The following ITGA8 variants were observed in gnomAD, a reference collection of about 807,000 sequenced individuals.
ITGA8 encodes integrin subunit alpha 8.
A neutral mutation model predicts 142.3 loss-of-function variants in ITGA8; 91 were observed. The observed-to-expected ratio is 0.64, with a 90% confidence interval of 0.54 to 0.76. The LOEUF is 0.76. ITGA8 is among the 30% of genes least tolerant of loss of function. The pLI is 0.00. For missense variants in ITGA8, 1,406 were observed against 1,327.7 expected (o/e 1.06, Z -0.92); for synonymous variants, 505 against 485.2 (o/e 1.04, Z -0.54).
chr10:15,602,517 C>T (rs542076956), intron 20 of ITGA8, among the ~76,000 whole-genome samples: 3 of 152,012 alleles, frequency 2.0e-5, no homozygotes, highest in African/African-American at 7.2e-5. Flanking sequence ...GTGGGTGGAC[C>T]GCCTGACCCC....
intron 28 of ITGA8, among the ~76,000 whole-genome samples, chr10:15,525,219 AC>A (rs911140046): frequency 5.3e-5 from 8 of 152,110 alleles, no homozygotes; most frequent in Admixed American, 5.2e-4. Flanking sequence ...TTTATTAAAC[AC>A]CCTATGTTCT....
chr10:15,539,218 G>A (rs1034477576), intron 27 of ITGA8, among the ~76,000 whole-genome samples: 6 of 151,944 alleles, frequency 3.9e-5, no homozygotes, highest in Admixed American at 6.6e-5. Context: ...TACCTCAAAC[G>A]AGGCAACAGA....
chr10:15,643,786 T>G (rs1352086406), intron 13 of ITGA8, among the ~76,000 whole-genome samples: 2 of 152,222 alleles, frequency 1.3e-5, no homozygotes, highest in Non-Finnish European at 2.9e-5. Flanking sequence ...TTATGTACAA[T>G]GCAGATTGTT....
At chr10:15,534,876 G>C (rs1833388708) in intron 27 of ITGA8, among the ~76,000 whole-genome samples, 1 of 152,186 alleles carries the variant, frequency 6.6e-6, no homozygotes, top group Admixed American at 6.5e-5. Context: ...CGGCACTTGA[G>C]GAGCCCTTCA....
intron 2 of ITGA8, among the ~76,000 whole-genome samples, chr10:15,701,502 A>G (rs553889930): frequency 2.8e-4 from 42 of 150,632 alleles, no homozygotes; most frequent in Non-Finnish European, 4.4e-4. Flanking sequence ...TTTTTTCTTC[A>G]TGGGAATATG....
chr10:15,638,492 C>T (rs1588690833), intron 13 of ITGA8, among the ~76,000 whole-genome samples: 1 of 152,228 alleles, frequency 6.6e-6, no homozygotes, highest in East Asian at 1.9e-4. Flanking sequence ...CAGGGGAAGC[C>T]AACACTGCCC....
chr10:15,517,187 G>C lies in ITGA8; in HGVS notation c.3163C>G (p.Leu1055Val), dbSNP rs371064779. 2 of 1,613,148 alleles carry C rather than the reference G, an allele frequency of 1.2e-6. No homozygotes were observed. Among genetic ancestry groups the C allele is most frequent in the African/African-American group, 2.7e-5 (2 of 74,792 alleles). Reference sequence around the variant, plus strand: ...GCCTCAGGGGTCTTGTCATTTGTCAGCTGTTCCCTGTCGGTCATGTCCTCC... The same window carrying C: ...GCCTCAGGGGTCTTGTCATTTGTCACCTGTTCCCTGTCGGTCATGTCCTCC... Reference protein sequence around the residue: ...PQEDMTDREQLTNDKTPEA With the variant: ...PQEDMTDREQVTNDKTPEA The change falls in exon 30 of 30, where the codon CTG (leucine) becomes GTG (valine). Residue 1055 changes from leucine to valine, a missense_variant. Physicochemically the swap from Leu to Val is conservative, Grantham distance 32 (BLOSUM62 1). Transcript: ENST00000378076.
At chr10:15,669,343 C>G (rs1248765386) in intron 8 of ITGA8, among the ~76,000 whole-genome samples, 2 of 152,180 alleles carry the variant, frequency 1.3e-5, no homozygotes, top group South Asian at 2.1e-4. Context: ...TGTCACGTGG[C>G]TCTCGTGCCT....
At chr10:15,576,307 A>G (rs1834296783) in intron 23 of ITGA8, among the ~76,000 whole-genome samples, 1 of 152,152 alleles carries the variant, frequency 6.6e-6, no homozygotes, top group South Asian at 2.1e-4. Flanking sequence ...AACTTGACAT[A>G]TGATTATTTT....
At chr10:15,708,309 T>C (rs1327739444) in intron 2 of ITGA8, among the ~76,000 whole-genome samples, 8 of 152,164 alleles carry the variant, frequency 5.3e-5, no homozygotes, top group African/African-American at 1.9e-4. Flanking sequence ...AAGAAGGTCA[T>C]CCAGTCTTCC....
chr10:15,666,748 A>C (rs1483424437), intron 8 of ITGA8, among the ~76,000 whole-genome samples: 1 of 152,166 alleles, frequency 6.6e-6, no homozygotes, highest in Non-Finnish European at 1.5e-5. Flanking sequence ...AATTTTGTCA[A>C]AGGCCTTTTC....
Position 15,583,684 on chromosome 10 carries a change from C to G in ITGA8, c.2372+2900G>C, listed in dbSNP as rs1834458054. Reference sequence around the variant, plus strand: ...AAAACTATAGTGACAGAAAATAGGCCAAGCTTGCCAGGGTCTCGGGGTGGG... The same window carrying G: ...AAAACTATAGTGACAGAAAATAGGCGAAGCTTGCCAGGGTCTCGGGGTGGG... On this transcript the variant is annotated intron_variant, in intron 23 of 29. Transcript: ENST00000378076. 3.3e-5 allele frequency among the ~76,000 whole-genome samples: 5 copies of G among 151,964 alleles called. No homozygotes were observed. The South Asian group carries it at 1.0e-3, about 32-fold the overall frequency.
intron 9 of ITGA8, among the ~76,000 whole-genome samples, chr10:15,659,870 G>A (rs1198413601): frequency 2.6e-5 from 4 of 152,278 alleles, no homozygotes; most frequent in East Asian, 1.9e-4. Context: ...CTGGAAGGGG[G>A]CACAGAGAAC....
chr10:15,591,556 A>G (rs1448571970), intron 22 of ITGA8, among the ~76,000 whole-genome samples: 1 of 152,004 alleles, frequency 6.6e-6, no homozygotes, highest in African/African-American at 2.4e-5. Context: ...CCCAGCCCAA[A>G]TGCCACACTA....
chr10:15,580,980 T>C (rs1834397323), intron 23 of ITGA8, among the ~76,000 whole-genome samples: 3 of 152,232 alleles, frequency 2.0e-5, no homozygotes, highest in Non-Finnish European at 4.4e-5. Flanking sequence ...TAATTTAACC[T>C]TGTCCAAGAA....
intron 10 of ITGA8, among the ~76,000 whole-genome samples, chr10:15,656,058 C>T (rs879806651): frequency 3.3e-5 from 5 of 152,234 alleles, no homozygotes; most frequent in Non-Finnish European, 5.9e-5. Flanking sequence ...GCACTCCAGC[C>T]TGGGTGACAG....
chr10:15,717,645 TATA>T (rs1161586651), intron 2 of ITGA8, among the ~76,000 whole-genome samples: 1 of 152,212 alleles, frequency 6.6e-6, no homozygotes, highest in African/African-American at 2.4e-5. Context: ...ATGATAAAAA[TATA>T]ATTTTCCAAT....
At chr10:15,589,544 A>C (rs949996724) in intron 22 of ITGA8, among the ~76,000 whole-genome samples, 1 of 152,202 alleles carries the variant, frequency 6.6e-6, no homozygotes, top group Non-Finnish European at 1.5e-5. Context: ...GGATTCATTA[A>C]ATGCAGGTCA....
At chr10:15,530,525 G>A (rs1056771876) in intron 28 of ITGA8, among the ~76,000 whole-genome samples, 5 of 101,902 alleles carry the variant, frequency 4.9e-5, no homozygotes, top group Non-Finnish European at 8.7e-5. Flanking sequence ...CAACCTGGGC[G>A]ACAGAGCGAG....
Sources: gnomAD v4.1 joint callset for allele counts (sites outside exome capture counted in the v4.1 genomes callset) on GRCh38, gnomAD v4.1.1 for gene constraint, MANE v1.5 for transcripts, NCBI Gene and HGNC (gene_info 2026-07-23, HGNC 2026-07-21) for gene names.